Variants in SLMAP observed in about 807,000 individuals in gnomAD.
SLMAP encodes sarcolemmal membrane-associated protein.
Under a neutral mutation model 128.8 loss-of-function variants are expected in SLMAP, and 44 were observed. The ratio of observed to expected loss-of-function variants is 0.34; its 90% confidence interval spans 0.27 to 0.44. The LOEUF is 0.44. Among genes scored for constraint, SLMAP ranks in the 20% least tolerant of loss-of-function variants. SLMAP has a pLI of 1.00. For missense variants in SLMAP, 787 were observed against 985.3 expected, an observed-to-expected ratio of 0.80 and a Z score of 2.69; for synonymous variants, 327 against 348.8, an observed-to-expected ratio of 0.94 and a Z score of 0.70.
intron 14 of SLMAP, among the ~76,000 whole-genome samples, chr3:57,885,927 GCGTGCATCACCA>G (rs2095873622): frequency 6.7e-6 from 1 of 149,982 alleles, no homozygotes. Context: ...GGGATTACAG[GCGTGCATCACCA>G]TGCCCAGCTA....
intron 2 of SLMAP, among the ~76,000 whole-genome samples, chr3:57,769,874 G>T (rs771930163): frequency 2.0e-5 from 3 of 152,116 alleles, no homozygotes; most frequent in Non-Finnish European, 4.4e-5. Flanking sequence ...GCACAATTTT[G>T]GTGTTATTGA....
At chr3:57,844,016 G>A (rs1209367611) in intron 4 of SLMAP, among the ~76,000 whole-genome samples, 1 of 151,514 alleles carries the variant, frequency 6.6e-6, no homozygotes, top group Non-Finnish European at 1.5e-5. Flanking sequence ...CTGACCTCAG[G>A]TGATCTGCTC....
chr3:57,909,593 C>T (rs1451687466), intron 19 of SLMAP, among the ~76,000 whole-genome samples: 1 of 151,678 alleles, frequency 6.6e-6, no homozygotes, highest in Non-Finnish European at 1.5e-5. Flanking sequence ...CATTTCAACA[C>T]GGCTCTTGGT....
chr3:57,859,583 G>A (rs541272568), intron 8 of SLMAP, among the ~76,000 whole-genome samples: 3 of 152,012 alleles, frequency 2.0e-5, no homozygotes, highest in Non-Finnish European at 4.4e-5. Context: ...AAAAACAATG[G>A]CCATTGTTTT....
intron 19 of SLMAP, among the ~76,000 whole-genome samples, chr3:57,910,937 A>G (rs1293381650): frequency 6.6e-6 from 1 of 152,198 alleles, no homozygotes; most frequent in Non-Finnish European, 1.5e-5. Flanking sequence ...TTTGAGTGGA[A>G]CATTTGAGTT....
intron 17 of SLMAP, among the ~76,000 whole-genome samples, chr3:57,903,459 A>T (rs1022297403): frequency 6.6e-5 from 10 of 152,222 alleles, no homozygotes; most frequent in African/African-American, 2.4e-4. Flanking sequence ...CATGCAAAAT[A>T]GAACTTGGGA....
chr3:57,853,267 G>A (rs2094571944), intron 6 of SLMAP, among the ~76,000 whole-genome samples: 1 of 152,100 alleles, frequency 6.6e-6, no homozygotes, highest in Admixed American at 6.5e-5. Flanking sequence ...GAGGTGTATG[G>A]CTTTTTATTA....
At chr3:57,813,221 G>A (rs913208622) in intron 2 of SLMAP, among the ~76,000 whole-genome samples, 5 of 151,274 alleles carry the variant, frequency 3.3e-5, no homozygotes, top group South Asian at 2.1e-4. Flanking sequence ...TCAGCGTCTC[G>A]AGCAGCTGGG....
chr3:57,892,077 T>C (rs1190495165), intron 15 of SLMAP, among the ~76,000 whole-genome samples: 2 of 152,180 alleles, frequency 1.3e-5, no homozygotes, highest in Non-Finnish European at 2.9e-5. Context: ...TACTCAGGGA[T>C]TTTTCTATCA....
intron 11 of SLMAP, 24 bp downstream of exon 11, chr3:57,864,740 A>G (rs1400972984): frequency 6.4e-7 from 1 of 1,570,768 alleles, no homozygotes; most frequent in South Asian, 1.2e-5. Flanking sequence ...CCAGAAATTG[A>G]TTTTATTTTA....
At chr3:57,894,423 A>G (rs570291588) in intron 15 of SLMAP, among the ~76,000 whole-genome samples, 2 of 152,358 alleles carry the variant, frequency 1.3e-5, no homozygotes, top group South Asian at 4.1e-4. Flanking sequence ...CCCATAATGA[A>G]CAATACTTCA....
intron 3 of SLMAP, among the ~76,000 whole-genome samples, chr3:57,835,019 G>T (rs528259214): frequency 6.8e-6 from 1 of 147,758 alleles, no homozygotes; most frequent in East Asian, 2.0e-4. Context: ...CTACTTGGGA[G>T]ACTGAAGTGG....
intron 14 of SLMAP, among the ~76,000 whole-genome samples, chr3:57,885,522 C>A (rs1422918641): frequency 8.8e-5 from 13 of 148,050 alleles, no homozygotes; most frequent in Non-Finnish European, 1.6e-4. Context: ...CGGGTTCAAG[C>A]GATTCTCCTG....
rs73090310 is a variant in SLMAP at position 57,915,283 on chromosome 3, G to A, written c.2139-1623G>A. Among the ~76,000 whole-genome samples, 1,017 of 152,228 alleles carry A rather than the reference G, an allele frequency of 6.7e-3. 7 individuals are homozygous for A. The highest frequency in any genetic ancestry group is 0.02 in the Middle Eastern group (6 of 294). The stretch of plus-strand genomic sequence containing the variant: ...CAATTATTTCAAATTTTAAGTGTTG[G>A]GAAGCAAGCCTACAAACTCCTAGTG... On this transcript the variant is annotated intron_variant, in intron 21 of 24. Coordinates refer to ENST00000671191, the MANE Select transcript of SLMAP (RefSeq NM_001377540.1).
chr3:57,884,675 G>A (rs1246733579), intron 14 of SLMAP, among the ~76,000 whole-genome samples: 2 of 152,116 alleles, frequency 1.3e-5, no homozygotes, highest in African/African-American at 4.8e-5. Flanking sequence ...CGGGCATGGT[G>A]GTGTGTACCT....
At chr3:57,793,460 C>T (rs940640061) in intron 2 of SLMAP, among the ~76,000 whole-genome samples, 5 of 152,040 alleles carry the variant, frequency 3.3e-5, no homozygotes, top group African/African-American at 7.2e-5. Context: ...AGTTTCTGTC[C>T]GTATGGAGCT....
In SLMAP at chr3:57,864,815, G is replaced by A; in HGVS notation, c.1144G>A (p.Glu382Lys). 2 of 1,592,648 alleles carry A rather than the reference G, an allele frequency of 1.3e-6. No homozygotes were observed. The change falls in exon 12 of 25, where the codon GAA (glutamate) becomes AAA (lysine). Residue 382 changes from glutamate to lysine, a missense_variant. Transcript: ENST00000671191. ...TGGACTTTTATTTACAGTACGGTTA[G>A]AACATCTTCAGGAGAAAACTCTTAA... The part of the protein sequence containing the change: ...ERLTALQVRL[E>K]HLQEKTLKEC...
intron 2 of SLMAP, among the ~76,000 whole-genome samples, chr3:57,802,089 A>G (rs921871435): frequency 6.6e-6 from 1 of 152,170 alleles, no homozygotes; most frequent in African/African-American, 2.4e-5. Flanking sequence ...CATTCCATAA[A>G]ATTCACCTAT....
chr3:57,902,528 A>T (rs1303925320), intron 17 of SLMAP, among the ~76,000 whole-genome samples: 1 of 152,172 alleles, frequency 6.6e-6, no homozygotes, highest in African/African-American at 2.4e-5. Flanking sequence ...ACTGGAGTGG[A>T]TAGAGGCTAC....
Sources: gnomAD v4.1 joint callset for allele counts (sites outside exome capture counted in the v4.1 genomes callset) on GRCh38, gnomAD v4.1.1 for gene constraint, MANE v1.5 for transcripts, NCBI Gene and HGNC (gene_info 2026-07-23, HGNC 2026-07-21) for gene names.